PGAP1: variants seen among roughly 807,000 people sequenced by gnomAD.
PGAP1 encodes the protein GPI inositol-deacylase.
PGAP1 carries 76 observed loss-of-function variants against 127.0 expected under a neutral mutation model. That is an observed-to-expected ratio of 0.60 (90% confidence interval 0.50 to 0.72). The LOEUF (loss-of-function observed/expected upper bound fraction) is 0.72, where lower values mean the gene tolerates loss of function less well. PGAP1 is among the 30% of genes least tolerant of loss of function. The pLI is 0.00. For missense variants in PGAP1, 982 were observed against 1,071.3 expected, an observed-to-expected ratio of 0.92 and a Z score of 1.16; for synonymous variants, 362 against 366.5, an observed-to-expected ratio of 0.99 and a Z score of 0.14.
intron 20 of PGAP1, among the ~76,000 whole-genome samples, chr2:196,851,707 G>C (rs1014667725): frequency 6.6e-6 from 1 of 151,982 alleles, no homozygotes; most frequent in African/African-American, 2.4e-5. Flanking sequence ...CTGCTTCCAC[G>C]GCACACCTTT....
At chr2:196,888,801 A>T (rs1424781302) in intron 10 of PGAP1, among the ~76,000 whole-genome samples, 1 of 152,142 alleles carries the variant, frequency 6.6e-6, no homozygotes, top group African/African-American at 2.4e-5. Flanking sequence ...TGGTTGGATG[A>T]AATAATGGTA....
Position 196,835,240 on chromosome 2 carries a change from G to A in PGAP1, c.*5994C>T, listed in dbSNP as rs911226438. The stretch of plus-strand genomic sequence containing the variant: ...TCCTTTAAGATACGCATATTAAAAG[G>A]TTGTACTATGTTAGGTTCCAGTGGA... On this transcript the variant is annotated 3_prime_UTR_variant, in exon 27 of 27. Coordinates refer to ENST00000354764, the MANE Select transcript of PGAP1 (RefSeq NM_024989.4). 3 of 151,796 alleles carry A rather than the reference G, an allele frequency of 2.0e-5. No homozygotes were observed. Among genetic ancestry groups the A allele is most frequent in the Admixed American group, 6.6e-5 (1 of 15,238 alleles). The allele number at this position is 151,796 out of a possible 1,614,324, so 9.4% of individuals were successfully genotyped here.
chr2:196,926,368 C>T, intron 1 of PGAP1, 102 bp downstream of exon 1: 2 of 1,554,338 alleles, frequency 1.3e-6, no homozygotes, highest in Non-Finnish European at 8.7e-7. Context: ...ACAGGGGGCC[C>T]GAGAGGCGCA....
intron 3 of PGAP1, among the ~76,000 whole-genome samples, chr2:196,915,201 G>T (rs1244112683): frequency 6.6e-6 from 1 of 151,972 alleles, no homozygotes; most frequent in Non-Finnish European, 1.5e-5. Flanking sequence ...TCTGTTTCTG[G>T]TTCCTTCTCA....
rs774052314 is a variant in PGAP1, at chr2:196,913,041, C to T, written c.490G>A (p.Ala164Thr). Residue 164 changes from alanine (A) to threonine (T), a missense_variant, in exon 4 of 27, where the codon GCT becomes ACT. Ala to Thr is a moderately conservative substitution (Grantham distance 58). Coordinates refer to ENST00000354764, the MANE Select transcript of PGAP1 (RefSeq NM_024989.4). ...ILKLYKGQEF[A>T]PKSVAIIGHS... is the part of the protein sequence containing the mutation. The stretch of plus-strand genomic sequence containing the variant: ...CCAATTATTGCCACACTTTTTGGAG[C>T]AAATTCTTGACCCTATTAAAATAAA... 3 of 1,607,392 alleles carry T rather than the reference C, an allele frequency of 1.9e-6. No homozygotes were observed. The highest frequency in any genetic ancestry group is 1.1e-5 in the South Asian group (1 of 89,580).
rs1295215767 is a variant in PGAP1, at chr2:196,835,911, TA to T, written c.*5322del. ...CCTATCATGTAGGCTTTTGAACAGTTAATAGCTCTACGTGTTATCTATAAAC... is the reference window on the plus strand; with the variant it reads ...CCTATCATGTAGGCTTTTGAACAGTTATAGCTCTACGTGTTATCTATAAAC... On this transcript the variant is annotated 3_prime_UTR_variant, in exon 27 of 27. Coordinates refer to ENST00000354764, the MANE Select transcript of PGAP1 (RefSeq NM_024989.4). 6.6e-6 allele frequency: 1 copy of T among 152,106 alleles called. No individual in the cohort carries two copies. The highest frequency in any genetic ancestry group is 1.5e-5 in the Non-Finnish European group (1 of 67,894). The allele number at this position is 152,106 out of a possible 1,614,324, so 9.4% of individuals were successfully genotyped here.
At chr2:196,869,029 T>C (rs1701329239) in intron 19 of PGAP1, among the ~76,000 whole-genome samples, 1 of 152,210 alleles carries the variant, frequency 6.6e-6, no homozygotes, top group African/African-American at 2.4e-5. Context: ...ATAATATAAA[T>C]TCTTTAATTG....
At chr2:196,924,450 T>TG (rs1188095124) in intron 1 of PGAP1, among the ~76,000 whole-genome samples, 94 of 152,314 alleles carry the variant, frequency 6.2e-4, no homozygotes, top group Non-Finnish European at 7.4e-5. Context: ...GAAATCTCAC[T>TG]ATGTTCAAAA....
intron 20 of PGAP1, among the ~76,000 whole-genome samples, chr2:196,858,698 A>C (rs1700969251): frequency 6.6e-6 from 1 of 152,108 alleles, no homozygotes; most frequent in African/African-American, 2.4e-5. Context: ...AAATAAAAGA[A>C]ATTGAGACTG....
intron 13 of PGAP1, among the ~76,000 whole-genome samples, chr2:196,878,387 C>T (rs1278749069): frequency 6.6e-6 from 1 of 152,080 alleles, no homozygotes; most frequent in Non-Finnish European, 1.5e-5. Context: ...CTACATCTCA[C>T]CACATGAGGT....
intron 2 of PGAP1, among the ~76,000 whole-genome samples, chr2:196,919,042 G>A (rs78570711): frequency 0.01 from 1,548 of 151,988 alleles, 24 homozygotes; most frequent in African/African-American, 0.035. Context: ...CACAAAACAC[G>A]TTCCTGCCTC....
At chr2:196,848,773 A>G (rs1282102574) in intron 20 of PGAP1, among the ~76,000 whole-genome samples, 4 of 152,114 alleles carry the variant, frequency 2.6e-5, no homozygotes, top group East Asian at 1.9e-4. Context: ...ACATTTGCAT[A>G]TAAGTTTTTG....
At chr2:196,848,616 AT>A (rs1349861051) in intron 20 of PGAP1, among the ~76,000 whole-genome samples, 1 of 152,166 alleles carries the variant, frequency 6.6e-6, no homozygotes, top group East Asian at 1.9e-4. Context: ...ATGTTGTAAC[AT>A]ATACCAGTAT....
chr2:196,888,036 G>A (rs1423021096), intron 10 of PGAP1, among the ~76,000 whole-genome samples: 1 of 152,116 alleles, frequency 6.6e-6, no homozygotes, highest in Non-Finnish European at 1.5e-5. Context: ...GGTGTATAGG[G>A]AATTCTGACT....
At chr2:196,857,555 T>C (rs1700925942) in intron 20 of PGAP1, among the ~76,000 whole-genome samples, 1 of 152,206 alleles carries the variant, frequency 6.6e-6, no homozygotes. Context: ...TCAGTGATGC[T>C]TTTGGAGAAA....
intron 4 of PGAP1, 33 bp downstream of exon 4, chr2:196,912,849 T>C (rs1013749898): frequency 1.0e-5 from 16 of 1,524,340 alleles, no homozygotes; most frequent in Middle Eastern, 1.7e-4. Context: ...TAAATAACAA[T>C]GGGGAGGTTA....
chr2:196,879,553 G>A (rs936151011), intron 13 of PGAP1, among the ~76,000 whole-genome samples: 2 of 152,098 alleles, frequency 1.3e-5, no homozygotes, highest in African/African-American at 2.4e-5. Flanking sequence ...CAATTAGCTC[G>A]GTGTGGTAGC....
chr2:196,912,776 T>TA (rs1398992271), intron 4 of PGAP1, 106 bp downstream of exon 4: 1 of 1,050,058 alleles, frequency 9.5e-7, no homozygotes, highest in African/African-American at 1.6e-5. Flanking sequence ...AGTTGCTTCA[T>TA]ACATGGATAA....
At chr2:196,847,242 T>C (rs1700583148) in intron 21 of PGAP1, 42 bp from the exon 22 acceptor site, 3 of 1,475,060 alleles carry the variant, frequency 2.0e-6, no homozygotes, top group South Asian at 2.4e-5. Context: ...ACCCAACAAC[T>C]GAAATTTAAG....
Sources: allele counts gnomAD v4.1 joint callset (sites outside exome capture counted in the v4.1 genomes callset), GRCh38; gene constraint gnomAD v4.1.1; transcripts MANE v1.5; gene names NCBI Gene and HGNC (gene_info 2026-07-23, HGNC 2026-07-21).